The following KDM2B variants were observed in gnomAD, a reference collection of about 807,000 sequenced individuals.
KDM2B encodes lysine-specific demethylase 2B.
A neutral mutation model predicts 150.0 loss-of-function variants in KDM2B; 26 were observed. The observed-to-expected ratio is 0.17, with a 90% confidence interval of 0.13 to 0.24. The LOEUF is 0.24. Ranked by LOEUF, KDM2B falls within the 10% of genes least tolerant of loss-of-function variation. KDM2B has a pLI of 1.00. For missense variants in KDM2B, 1,265 were observed against 1,816.9 expected (o/e 0.70, Z 5.52); for synonymous variants, 734 against 729.5 (o/e 1.01, Z -0.10).
At chr12:121,464,048 A>AC (rs1555294267) in intron 12 of KDM2B, among the ~76,000 whole-genome samples, 2 of 151,834 alleles carry the variant, frequency 1.3e-5, no homozygotes, top group African/African-American at 2.4e-5. Flanking sequence ...ACATATCAAG[A>AC]CCCCATCTCT....
At chr12:121,510,522 G>C (rs1289752759) in intron 10 of KDM2B, among the ~76,000 whole-genome samples, 10 of 152,160 alleles carry the variant, frequency 6.6e-5, no homozygotes, top group African/African-American at 2.4e-4. Flanking sequence ...GCTGGGTGCA[G>C]TGGCTCACGC....
In KDM2B at chr12:121,537,925, G is replaced by A. The variant is rs1288948386; in HGVS notation, c.684-3335C>T. Among the ~76,000 whole-genome samples the A allele has an allele frequency of 1.3e-5, 2 of 150,966 alleles. No homozygotes were observed. Among genetic ancestry groups the A allele is most frequent in the East Asian group, 1.9e-4 (1 of 5,130 alleles). On this transcript the variant is annotated intron_variant, in intron 6 of 22. Transcript: ENST00000377071. The surrounding 1 kb of genome is among the most constrained non-coding windows in gnomAD (Gnocchi z 8.7). ...GCCCGCGGTTACCCTCGGCGGCGGC[G>A]GCGGCGGCTCCCGTGCGTCCCCTTC...
rs1231683011 is a variant in KDM2B, at chr12:121,444,471, G to A, written c.2169C>T (p.Asn723=). ...TCACTTTCCCGGTCTTGCCGGCGTG[G>A]TTACACTTCGGACACTCCCAGCAGT... ...LPNCWECPKC[N]HAGKTGKQKR... Residue 723 remains asparagine (N), a synonymous_variant, in exon 15 of 23, where the codon AAC becomes AAT. Transcript: ENST00000377071. 1 of 1,614,164 alleles carries A rather than the reference G, an allele frequency of 6.2e-7. No homozygotes were observed. The highest frequency in any genetic ancestry group is 1.3e-5 in the African/African-American group (1 of 75,036).
intron 21 of KDM2B, chr12:121,440,601 G>C: frequency 5.5e-6 from 3 of 541,514 alleles, no homozygotes; most frequent in East Asian, 3.1e-5. Flanking sequence ...AAAGCAGAGA[G>C]ACGCACGCGG....
chr12:121,574,455 G>T, intron 4 of KDM2B, 92 bp downstream of exon 4: 1 of 1,189,794 alleles, frequency 8.4e-7, no homozygotes, highest in Non-Finnish European at 1.2e-6. Context: ...GTTTTGAGAG[G>T]CAGTTAAAAG....
At chr12:121,514,705 C>T (rs546679886) in intron 9 of KDM2B, among the ~76,000 whole-genome samples, 161 of 150,940 alleles carry the variant, frequency 1.1e-3, no homozygotes, top group African/African-American at 3.7e-3. Flanking sequence ...CTTCTAATCA[C>T]ACTCCCCTGC....
chr12:121,576,981 G>A (rs1891539544), intron 2 of KDM2B, among the ~76,000 whole-genome samples: 1 of 152,200 alleles, frequency 6.6e-6, no homozygotes, highest in South Asian at 2.1e-4. Flanking sequence ...CAGATCCCCA[G>A]GGGCTCACAG....
At chr12:121,455,954 C>G (rs1238095752) in intron 12 of KDM2B, among the ~76,000 whole-genome samples, 1 of 152,220 alleles carries the variant, frequency 6.6e-6, no homozygotes, top group African/African-American at 2.4e-5. Context: ...GCAGCCAAGG[C>G]CAGGCAGGCA....
chr12:121,447,060 A>T (rs1043246276), intron 13 of KDM2B, among the ~76,000 whole-genome samples: 8 of 151,912 alleles, frequency 5.3e-5, no homozygotes, highest in Non-Finnish European at 7.4e-5. Context: ...ACTAAACTTT[A>T]AAAAAAACTG....
chr12:121,571,743 C>T (rs80269295), intron 4 of KDM2B, among the ~76,000 whole-genome samples: 3,963 of 151,310 alleles, frequency 0.026, 153 homozygotes, highest in East Asian at 0.11. Flanking sequence ...CTCTGCCTCC[C>T]GGGTTCAAGA....
At chr12:121,578,025 C>G (rs1555317107) in intron 2 of KDM2B, among the ~76,000 whole-genome samples, 11 of 152,208 alleles carry the variant, frequency 7.2e-5, no homozygotes, top group Non-Finnish European at 1.5e-5. Context: ...GGTGGGCCCA[C>G]AAGGAACAGA....
In KDM2B at chr12:121,518,352, A is replaced by G. The variant is rs2141124736; in HGVS notation, c.1047+2633T>C. 6.6e-6 allele frequency among the ~76,000 whole-genome samples: 1 copy of G among 152,304 alleles called. No homozygotes were observed. Among genetic ancestry groups the G allele is most frequent in the African/African-American group, 2.4e-5 (1 of 41,562 alleles). On this transcript the variant is annotated intron_variant, in intron 9 of 22. Coordinates refer to ENST00000377071, the MANE Select transcript of KDM2B (RefSeq NM_032590.5). This position sits in a 1 kb window ranked among gnomAD's most constrained non-coding sequence, Gnocchi z 4.4. ...GTCTGCCTTGGCTCCTAAGGCATAA[A>G]CAATTGGGCCTCGTAGCCAAGTCCC...
chr12:121,509,893 C>A lies in KDM2B; in HGVS notation c.1321G>T (p.Asp441Tyr), dbSNP rs539904078. ...GRDRAPKPPT[D>Y]GSTSPTSTPS... ...GTGCTGGTGGGTGAAGTGGAGCCAT[C>A]GGTGGGCGGTTTGGGTGCCCTGTCC... The change falls in exon 11 of 23, where the codon GAT (aspartate) becomes TAT (tyrosine). Residue 441 changes from aspartate (D) to tyrosine (Y), a missense_variant. Physicochemically the swap from Asp to Tyr is radical, Grantham distance 160. This residue lies in a region of KDM2B where 154 missense variants were observed against 162.5 expected (regional missense o/e 0.95). Transcript: ENST00000377071. The A allele has an allele frequency of 6.2e-7, 1 of 1,613,476 alleles. No individual in the cohort carries two copies. Among genetic ancestry groups the A allele is most frequent in the South Asian group, 1.1e-5 (1 of 91,050 alleles).
In KDM2B at chr12:121,532,921, C is replaced by T. The variant is rs782658095; in HGVS notation, c.816G>A (p.Ala272=). The part of the protein sequence containing the change: ...WLIPPTLHNL[A]LYEEWVLSGK... ...CTGACAGCACCCACTCCTCGTACAG[C>T]GCCAAATTGTGCAGCGTTGGAGGAA... The change falls in exon 8 of 23, where the codon GCG becomes GCA. Residue 272 remains alanine, a synonymous_variant. Transcript: ENST00000377071. 36 of 1,614,050 alleles carry T rather than the reference C, an allele frequency of 2.2e-5. No individual in the cohort carries two copies. Among genetic ancestry groups the T allele is most frequent in the East Asian group, 4.5e-5 (2 of 44,900 alleles).
rs988398968 is a variant in KDM2B at position 121,520,286 on chromosome 12, G to T, written c.1047+699C>A. ...ACGAGAAAGGCCATGGCAAGTTCAGGCCACTTGTCCTTTTCAGGGGACACT... is the reference window on the plus strand; with the variant it reads ...ACGAGAAAGGCCATGGCAAGTTCAGTCCACTTGTCCTTTTCAGGGGACACT... On this transcript the variant is annotated intron_variant, in intron 9 of 22. Transcript: ENST00000377071. This position sits in a 1 kb window ranked among gnomAD's most constrained non-coding sequence, Gnocchi z 4.5. Among the ~76,000 whole-genome samples the T allele has an allele frequency of 1.3e-5, 2 of 152,132 alleles. No homozygotes were observed. Among genetic ancestry groups the T allele is most frequent in the Admixed American group, 6.6e-5 (1 of 15,260 alleles).
chr12:121,506,207 A>G (rs1269219980), intron 11 of KDM2B, among the ~76,000 whole-genome samples: 1 of 151,956 alleles, frequency 6.6e-6, no homozygotes, highest in African/African-American at 2.4e-5. Context: ...GGGTCTTACT[A>G]TGTTGCCCAG....
At chr12:121,490,389 T>A (rs1271070644) in intron 12 of KDM2B, among the ~76,000 whole-genome samples, 1 of 152,150 alleles carries the variant, frequency 6.6e-6, no homozygotes, top group Non-Finnish European at 1.5e-5. Flanking sequence ...GGCAGCCTGG[T>A]TTGGCCACTA....
At chr12:121,443,226 G>A (rs888206011) in intron 17 of KDM2B, 196 bp from the exon 18 acceptor site, 6 of 619,626 alleles carry the variant, frequency 9.7e-6, no homozygotes, top group Middle Eastern at 4.3e-4. Context: ...GAAGCTGGAA[G>A]TAGGAGTACA....
At chr12:121,441,468 C>T (rs562134497) in intron 19 of KDM2B, among the ~76,000 whole-genome samples, 6 of 152,294 alleles carry the variant, frequency 3.9e-5, no homozygotes, top group Middle Eastern at 3.4e-3. Context: ...GACGGAGTCT[C>T]GCTCTGTTCC....
Sources: gnomAD v4.1 joint callset for allele counts (sites outside exome capture counted in the v4.1 genomes callset) on GRCh38, gnomAD v4.1.1 for gene constraint, gnomAD v4.1.1 regional missense constraint, Gnocchi (gnomAD v3.1) non-coding constraint, MANE v1.5 for transcripts, NCBI Gene and HGNC (gene_info 2026-07-23, HGNC 2026-07-21) for gene names.